The following ROBO2 variants were observed in gnomAD, a reference collection of about 807,000 sequenced individuals.
The protein encoded by ROBO2 is roundabout homolog 2.
Under a neutral mutation model 160.8 loss-of-function variants are expected in ROBO2, and 53 were observed. The ratio of observed to expected loss-of-function variants is 0.33; its 90% CI spans 0.26 to 0.41. The LOEUF is 0.41. ROBO2 is among the 10% of genes least tolerant of loss of function. ROBO2 has a pLI of 1.00. For missense variants in ROBO2, 1,577 were observed against 1,722.4 expected, an observed-to-expected ratio of 0.92 and a Z score of 1.49; for synonymous variants, 664 against 611.7, an observed-to-expected ratio of 1.09 and a Z score of -1.26.
At chr3:76,166,916 C>G (rs1422233806) in intron 2 of ROBO2, among the ~76,000 whole-genome samples, 1 of 152,054 alleles carries the variant, frequency 6.6e-6, no homozygotes, top group East Asian at 1.9e-4. Context: ...CATTGTGCCC[C>G]TTCACAAATT....
intron 2 of ROBO2, among the ~76,000 whole-genome samples, chr3:76,979,339 A>G (rs956662921): frequency 6.6e-6 from 1 of 152,082 alleles, no homozygotes; most frequent in Non-Finnish European, 1.5e-5. Flanking sequence ...GTACCTGTTA[A>G]GTAATTTCTC....
intron 2 of ROBO2, among the ~76,000 whole-genome samples, chr3:76,536,497 A>G (rs2082510197): frequency 6.6e-6 from 1 of 152,078 alleles, no homozygotes; most frequent in Admixed American, 6.6e-5. Context: ...TACCTTGGGT[A>G]CCTTCTTTAA....
At chr3:77,230,800 A>G (rs907688570) in intron 2 of ROBO2, among the ~76,000 whole-genome samples, 8 of 152,318 alleles carry the variant, frequency 5.3e-5, no homozygotes, top group Non-Finnish European at 1.2e-4. Context: ...AATTATGCAA[A>G]CAAGATCCGG....
chr3:75,906,849 G>C (rs1181475622), exon 1 of ROBO2: 3 of 152,312 alleles, frequency 2.0e-5, no homozygotes, highest in South Asian at 4.1e-4. Flanking sequence ...AGCAGGTCCG[G>C]GGGGAGCTGT....
At chr3:76,717,845 A>G (rs544129610) in intron 2 of ROBO2, among the ~76,000 whole-genome samples, 5 of 150,308 alleles carry the variant, frequency 3.3e-5, no homozygotes, top group South Asian at 2.1e-4. Context: ...AACACAGAGG[A>G]TCACAAAATT....
At chr3:77,470,360 A>G (rs923390961) in intron 2 of ROBO2, among the ~76,000 whole-genome samples, 1 of 152,218 alleles carries the variant, frequency 6.6e-6, no homozygotes, top group Non-Finnish European at 1.5e-5. Flanking sequence ...TAATTCAAGG[A>G]AGATATAAGG....
At chr3:76,187,713 C>T (rs993828078) in intron 2 of ROBO2, among the ~76,000 whole-genome samples, 2 of 152,134 alleles carry the variant, frequency 1.3e-5, no homozygotes, top group African/African-American at 4.8e-5. Flanking sequence ...ATCTAAGCAG[C>T]AGACATTTCT....
At chr3:77,472,831 A>C (rs942938724) in intron 2 of ROBO2, among the ~76,000 whole-genome samples, 2 of 152,184 alleles carry the variant, frequency 1.3e-5, no homozygotes, top group Admixed American at 1.3e-4. Context: ...TGAAAGATAA[A>C]TATTGGTAAG....
chr3:76,996,904 C>A (rs1461961325), intron 2 of ROBO2, among the ~76,000 whole-genome samples: 1 of 152,142 alleles, frequency 6.6e-6, no homozygotes, highest in Non-Finnish European at 1.5e-5. Context: ...TTAACTGATA[C>A]ACAATCTAAT....
At chr3:76,226,250 G>A (rs1704276712) in intron 2 of ROBO2, among the ~76,000 whole-genome samples, 3 of 152,132 alleles carry the variant, frequency 2.0e-5, no homozygotes, top group Admixed American at 2.0e-4. Context: ...GGATAGATAT[G>A]AAATAATTTA....
chr3:76,884,368 A>T (rs1303540769), intron 2 of ROBO2, among the ~76,000 whole-genome samples: 1 of 152,208 alleles, frequency 6.6e-6, no homozygotes, highest in Admixed American at 6.5e-5. Context: ...GCTGCACCAC[A>T]CATCAGAGAT....
chr3:76,525,600 A>T (rs1043520156), intron 2 of ROBO2, among the ~76,000 whole-genome samples: 1 of 151,982 alleles, frequency 6.6e-6, no homozygotes, highest in Non-Finnish European at 1.5e-5. Flanking sequence ...TTCTCAACCA[A>T]TGTGGCCAAA....
At chr3:76,599,145 T>A (rs1352668049) in intron 2 of ROBO2, among the ~76,000 whole-genome samples, 1 of 152,158 alleles carries the variant, frequency 6.6e-6, no homozygotes, top group East Asian at 1.9e-4. Context: ...TCACAGGGCA[T>A]TGATGTACAG....
intron 2 of ROBO2, among the ~76,000 whole-genome samples, chr3:77,448,981 A>G (rs1322288719): frequency 3.3e-5 from 5 of 152,178 alleles, no homozygotes; most frequent in Non-Finnish European, 7.4e-5. Context: ...AGATATTTAT[A>G]GGTATGTAAA....
At chr3:77,125,769 A>G (rs1319900909) in intron 2 of ROBO2, among the ~76,000 whole-genome samples, 1 of 152,218 alleles carries the variant, frequency 6.6e-6, no homozygotes, top group Non-Finnish European at 1.5e-5. Flanking sequence ...TTGTATATAT[A>G]TAACTTAACT....
chr3:75,976,591 A>C (rs79305822), intron 2 of ROBO2, among the ~76,000 whole-genome samples: 3,004 of 151,676 alleles, frequency 0.02, 98 homozygotes, highest in African/African-American at 0.068. Flanking sequence ...ATATTAACGT[A>C]TAATACATTC....
rs79391232 is a variant in ROBO2, at chr3:77,371,248, A to G, written c.389-106166A>G. ...ACAAAAGTCATCTCAAAACATAATT[A>G]TGCACTTTTCTGAATGATTGCTTAA... On this transcript the variant is annotated intron_variant, in intron 2 of 25. Coordinates refer to ENST00000461745, the Ensembl canonical transcript of ROBO2. 8.2e-3 allele frequency among the ~76,000 whole-genome samples: 1,249 copies of G among 152,310 alleles called. 11 individuals carry two copies. Among genetic ancestry groups the G allele is most frequent in the South Asian group, 0.021 (103 of 4,832 alleles).
chr3:76,853,083 G>GA, intron 2 of ROBO2, among the ~76,000 whole-genome samples: 1 of 152,088 alleles, frequency 6.6e-6, no homozygotes, highest in South Asian at 2.1e-4. Flanking sequence ...TCATACATCT[G>GA]AAAATTACAT....
At chr3:77,076,319 T>G (rs2067997102) in intron 1 of ROBO2, among the ~76,000 whole-genome samples, 1 of 152,130 alleles carries the variant, frequency 6.6e-6, no homozygotes, top group Admixed American at 6.5e-5. Context: ...AGGGATTTAA[T>G]TAGACTGGCT....
Sources: allele counts gnomAD v4.1 joint callset (sites outside exome capture counted in the v4.1 genomes callset), GRCh38; gene constraint gnomAD v4.1.1; transcripts MANE v1.5; gene names NCBI Gene and HGNC (gene_info 2026-07-23, HGNC 2026-07-21).